The following PDE7B variants were observed in gnomAD, a reference collection of about 807,000 sequenced individuals.
PDE7B encodes 3',5'-cyclic-AMP phosphodiesterase 7B.
In PDE7B, 29 loss-of-function variants were observed where a neutral mutation model predicts 56.2. The ratio of observed to expected loss-of-function variants is 0.52; its 90% CI spans 0.38 to 0.70. PDE7B has a LOEUF of 0.70. Ranked by LOEUF, PDE7B falls within the 30% of genes least tolerant of loss-of-function variation. The probability of loss-of-function intolerance (pLI) is 0.00; values close to 1 mark genes in which losing one functional copy is unlikely to be tolerated. For synonymous variants in PDE7B, 197 were observed against 196.9 expected, an observed-to-expected ratio of 1.00 and a Z score of 0.00; for missense variants, 490 against 565.0, an observed-to-expected ratio of 0.87 and a Z score of 1.35.
At chr6:136,006,680 T>G (rs1374100752) in intron 2 of PDE7B, among the ~76,000 whole-genome samples, 1 of 152,198 alleles carries the variant, frequency 6.6e-6, no homozygotes, top group Non-Finnish European at 1.5e-5. Context: ...CAATTGTGAA[T>G]GGGATTGCCT....
At chr6:136,174,519 G>A (rs1778946366) in intron 9 of PDE7B, among the ~76,000 whole-genome samples, 1 of 152,050 alleles carries the variant, frequency 6.6e-6, no homozygotes, top group Non-Finnish European at 1.5e-5. Context: ...TCATTTTCCT[G>A]GTGGCCCCAA....
Position 135,896,132 on chromosome 6 carries a change from G to C in PDE7B, c.21+44113G>C, listed in dbSNP as rs1326296504. Among the ~76,000 whole-genome samples, 3 of 152,134 alleles carry C rather than the reference G, an allele frequency of 2.0e-5. No individual in the cohort carries two copies. The East Asian group carries it at 5.8e-4, about 29-fold the overall frequency. ...GACAATTCTGGAGAGGTTGAGCCTAGAACATGCCAAACAACAGGTATATGA... is the reference window on the plus strand; with the variant it reads ...GACAATTCTGGAGAGGTTGAGCCTACAACATGCCAAACAACAGGTATATGA... On this transcript the variant is annotated intron_variant, in intron 1 of 12. Coordinates refer to ENST00000308191, the MANE Select transcript of PDE7B (RefSeq NM_018945.4).
intron 2 of PDE7B, among the ~76,000 whole-genome samples, chr6:135,979,358 C>T (rs944567354): frequency 1.8e-4 from 27 of 151,786 alleles, no homozygotes; most frequent in Admixed American, 3.9e-4. Context: ...TGTGTCTCTG[C>T]CCGGCTTTGG....
intron 3 of PDE7B, 30 bp downstream of exon 3, chr6:136,108,844 C>T (rs1033562673): frequency 1.6e-6 from 2 of 1,278,888 alleles, no homozygotes; most frequent in African/African-American, 1.5e-5. Context: ...TGGAAAGGAA[C>T]AAACGTTTTC....
At chr6:136,055,862 T>G (rs1263078194) in intron 2 of PDE7B, among the ~76,000 whole-genome samples, 3 of 152,208 alleles carry the variant, frequency 2.0e-5, no homozygotes, top group Non-Finnish European at 4.4e-5. Flanking sequence ...CGAAACAAGG[T>G]TCTTGCTCCT....
intron 2 of PDE7B, among the ~76,000 whole-genome samples, chr6:136,022,065 C>G (rs1776082891): frequency 6.6e-6 from 1 of 152,234 alleles, no homozygotes; most frequent in South Asian, 2.1e-4. Flanking sequence ...TGGGTCTTCC[C>G]AAGGGTTGCT....
chr6:135,999,268 G>A lies in PDE7B; in HGVS notation c.82+51744G>A, dbSNP rs191335352. Among the ~76,000 whole-genome samples, 4 of 152,046 alleles carry A rather than the reference G, an allele frequency of 2.6e-5. No homozygotes were observed. In the East Asian group the frequency reaches 7.7e-4, roughly 29 times the overall value. On this transcript the variant is annotated intron_variant, in intron 2 of 12. Coordinates refer to ENST00000308191, the MANE Select transcript of PDE7B (RefSeq NM_018945.4). ...GAACCTTTGTTTACCTTTTTTTCTTGTAACTTTTATTTTAGGTTCTGGGGT... is the reference window on the plus strand; with the variant it reads ...GAACCTTTGTTTACCTTTTTTTCTTATAACTTTTATTTTAGGTTCTGGGGT...
chr6:136,152,339 AAAT>A (rs1778534381), intron 6 of PDE7B, among the ~76,000 whole-genome samples: 1 of 152,242 alleles, frequency 6.6e-6, no homozygotes, highest in Non-Finnish European at 1.5e-5. Context: ...GCTTTTTAAA[AAAT>A]AATAATAACT....
intron 3 of PDE7B, among the ~76,000 whole-genome samples, chr6:136,138,986 T>C (rs1778264919): frequency 6.6e-6 from 1 of 152,204 alleles, no homozygotes; most frequent in Non-Finnish European, 1.5e-5. Flanking sequence ...TTTTTTATTA[T>C]ACTTTAAGTT....
At chr6:135,972,233 C>CAAAAAAAAA (rs72005772) in intron 2 of PDE7B, among the ~76,000 whole-genome samples, 1 of 65,168 alleles carries the variant, frequency 1.5e-5, no homozygotes, top group African/African-American at 6.0e-5. Flanking sequence ...AAACTGTTCT[C>CAAAAAAAAA]AAAAAAAAAA....
At chr6:135,934,951 TA>T (rs1774381153) in intron 1 of PDE7B, among the ~76,000 whole-genome samples, 4 of 49,056 alleles carry the variant, frequency 8.2e-5, no homozygotes, top group Non-Finnish European at 1.2e-4. Context: ...AATATATATT[TA>T]TATATAATAT....
intron 1 of PDE7B, among the ~76,000 whole-genome samples, chr6:135,877,417 T>G (rs1227397822): frequency 1.3e-5 from 2 of 151,658 alleles, no homozygotes; most frequent in Non-Finnish European, 2.9e-5. Context: ...AGTTTCAGAT[T>G]TGGGCTTTCA....
At chr6:136,149,019 A>G (rs537975246) in intron 4 of PDE7B, 68 bp from the exon 5 acceptor site, 8 of 1,098,788 alleles carry the variant, frequency 7.3e-6, no homozygotes, top group East Asian at 7.1e-5. Context: ...AATCCACTAT[A>G]TCCCAAAGTA....
intron 11 of PDE7B, among the ~76,000 whole-genome samples, chr6:136,185,316 A>C (rs1779126569): frequency 6.6e-6 from 1 of 152,140 alleles, no homozygotes; most frequent in South Asian, 2.1e-4. Flanking sequence ...TTGAAGCCAA[A>C]CTTCCTATGC....
At chr6:136,188,248 T>C (rs985255083) in intron 12 of PDE7B, among the ~76,000 whole-genome samples, 1 of 147,338 alleles carries the variant, frequency 6.8e-6, no homozygotes, top group Admixed American at 6.6e-5. Context: ...AAAATAGGTA[T>C]GTTCGATTAT....
chr6:135,868,482 G>C (rs1583718781), intron 1 of PDE7B, among the ~76,000 whole-genome samples: 1 of 151,952 alleles, frequency 6.6e-6, no homozygotes. Context: ...GTCTGGCTGG[G>C]GTGCAGTGGC....
intron 1 of PDE7B, among the ~76,000 whole-genome samples, chr6:135,857,231 G>T (rs1304103266): frequency 6.6e-6 from 1 of 151,930 alleles, no homozygotes. Flanking sequence ...AGTGGTTGGT[G>T]AATTCATATA....
At chr6:135,997,808 T>G (rs1048394390) in intron 2 of PDE7B, among the ~76,000 whole-genome samples, 1 of 152,156 alleles carries the variant, frequency 6.6e-6, no homozygotes, top group Non-Finnish European at 1.5e-5. Context: ...GTAATATATA[T>G]GTAGGGATAA....
chr6:136,046,951 A>T (rs1776519916), intron 2 of PDE7B, among the ~76,000 whole-genome samples: 1 of 152,156 alleles, frequency 6.6e-6, no homozygotes, highest in Non-Finnish European at 1.5e-5. Flanking sequence ...ATTCCAAATG[A>T]TCTTCCACGT....
Sources: gnomAD v4.1 joint callset for allele counts (sites outside exome capture counted in the v4.1 genomes callset) on GRCh38, gnomAD v4.1.1 for gene constraint, MANE v1.5 for transcripts, NCBI Gene and HGNC (gene_info 2026-07-23, HGNC 2026-07-21) for gene names.